The following ZFHX3 variants were observed in gnomAD, a reference collection of about 807,000 sequenced individuals.
ZFHX3 encodes zinc finger homeobox 3, also known as zinc finger homeobox protein 3.
In ZFHX3, 42 loss-of-function variants were observed where a neutral mutation model predicts 279.1. That is an observed-to-expected ratio of 0.15 (90% CI 0.12 to 0.19). The LOEUF (loss-of-function observed/expected upper bound fraction) is 0.19, where lower values mean the gene tolerates loss of function less well. Ranked by LOEUF, ZFHX3 falls within the 10% of genes least tolerant of loss-of-function variation. The pLI is 1.00. For synonymous variants in ZFHX3, 2,293 were observed against 1,957.8 expected, an observed-to-expected ratio of 1.17 and a Z score of -4.52; for missense variants, 4,981 against 4,754.0, an observed-to-expected ratio of 1.05 and a Z score of -1.40.
rs796481027 is a variant in ZFHX3 at position 73,295,443 on chromosome 16, A to G, written c.-1194+22797T>C. On this transcript the variant is annotated intron_variant, in intron 4 of 17. Transcript: ENST00000641206. ...TAAGGTGTGAATTTTTTAAAGGTTT[A>G]ATTTGTGCATTTGTGCATTTGTTAA... Among the ~76,000 whole-genome samples the G allele has an allele frequency of 2.6e-5, 4 of 152,290 alleles. 1 individual carries two copies. Among genetic ancestry groups the G allele is most frequent in the African/African-American group, 9.6e-5 (4 of 41,562 alleles).
chr16:73,734,892 G>C (rs2053596587), intron 1 of ZFHX3, among the ~76,000 whole-genome samples: 1 of 152,056 alleles, frequency 6.6e-6, no homozygotes, highest in African/African-American at 2.4e-5. Context: ...TATAAAAAAA[G>C]TTGCTCTTAG....
intron 1 of ZFHX3, among the ~76,000 whole-genome samples, chr16:73,833,424 C>G (rs1961052148): frequency 1.3e-5 from 2 of 152,116 alleles, no homozygotes; most frequent in African/African-American, 2.4e-5. Context: ...AAGCACAGTT[C>G]CTGTCCTCAA....
intron 2 of ZFHX3, among the ~76,000 whole-genome samples, chr16:73,634,431 A>AT (rs1173547541): frequency 5.0e-3 from 52 of 10,414 alleles, no homozygotes; most frequent in African/African-American, 0.02. Flanking sequence ...GTTATTATGT[A>AT]TAATATATAT....
intron 3 of ZFHX3, among the ~76,000 whole-genome samples, chr16:72,892,937 G>T (rs1448341476): frequency 6.6e-6 from 1 of 152,180 alleles, no homozygotes; most frequent in East Asian, 1.9e-4. Context: ...TGGGGAGAAG[G>T]AAGGCAGAAG....
intron 2 of ZFHX3, among the ~76,000 whole-genome samples, chr16:73,670,817 T>C (rs1013674961): frequency 2.0e-5 from 3 of 152,162 alleles, no homozygotes; most frequent in African/African-American, 7.2e-5. Context: ...ATAAATGAAA[T>C]ATTCAACAAA....
intron 5 of ZFHX3, among the ~76,000 whole-genome samples, chr16:73,223,121 A>G (rs1367727178): frequency 6.6e-6 from 1 of 152,168 alleles, no homozygotes; most frequent in African/African-American, 2.4e-5. Context: ...AAACTCCTAG[A>G]TAACAACATA....
chr16:72,958,093 T>A lies in ZFHX3; in HGVS notation c.2053A>T (p.Thr685Ser). Residue 685 changes from threonine to serine, a missense_variant, in exon 2 of 10, where the codon ACC becomes TCC. Transcript: ENST00000268489. ...KCNWHYKYQQ[T>S]LEAHMKEKHP... ...TTCTCCTTCATGTGTGCCTCCAGGGTCTGCTGGTACTTATAGTGCCAGTTG... is the reference window on the plus strand; with the variant it reads ...TTCTCCTTCATGTGTGCCTCCAGGGACTGCTGGTACTTATAGTGCCAGTTG... 1 of 1,614,042 alleles carries A rather than the reference T, an allele frequency of 6.2e-7. No homozygotes were observed. Among genetic ancestry groups the A allele is most frequent in the Non-Finnish European group, 8.5e-7 (1 of 1,180,002 alleles).
chr16:72,967,091 T>A (rs1283482852), intron 1 of ZFHX3, among the ~76,000 whole-genome samples: 1 of 152,188 alleles, frequency 6.6e-6, no homozygotes, highest in Non-Finnish European at 1.5e-5. Flanking sequence ...GTCCTCCACA[T>A]CTGACATGTA....
At chr16:73,591,390 A>T (rs2051994336) in intron 2 of ZFHX3, among the ~76,000 whole-genome samples, 1 of 150,280 alleles carries the variant, frequency 6.7e-6, no homozygotes, top group Non-Finnish European at 1.5e-5. Context: ...ACAAACAAAA[A>T]TCCAGAAAAT....
At position 73,532,570 on chromosome 16, in the gene ZFHX3, G is replaced by C. The variant is rs905493912; in HGVS notation, c.-1546-76312C>G. ...CTGAAAGCATATCTCTGGTACATAAGAGGAGGGCTGGAACTAAGCTGCCTG... is the reference window on the plus strand; with the variant it reads ...CTGAAAGCATATCTCTGGTACATAACAGGAGGGCTGGAACTAAGCTGCCTG... On this transcript the variant is annotated intron_variant, in intron 2 of 17. Coordinates refer to the ZFHX3 transcript ENST00000641206. 3.3e-5 allele frequency among the ~76,000 whole-genome samples: 5 copies of C among 152,298 alleles called. No individual in the cohort carries two copies. In the South Asian group the frequency reaches 1.0e-3, roughly 32 times the overall value.
chr16:73,039,612 C>T (rs780299692), intron 1 of ZFHX3, among the ~76,000 whole-genome samples: 1 of 152,128 alleles, frequency 6.6e-6, no homozygotes, highest in African/African-American at 2.4e-5. Context: ...CCCACTCCCC[C>T]CAAAAACAAT....
chr16:72,912,327 T>C (rs1046821612), intron 3 of ZFHX3, among the ~76,000 whole-genome samples: 2 of 152,182 alleles, frequency 1.3e-5, no homozygotes, highest in African/African-American at 4.8e-5. Flanking sequence ...GATGCTAATT[T>C]GGGAGGCTTT....
chr16:72,959,089 A>T lies in ZFHX3; in HGVS notation c.1057T>A (p.Ser353Thr). The T allele has an allele frequency of 6.2e-7, 1 of 1,614,236 alleles. No homozygotes were observed. The highest frequency in any genetic ancestry group is 8.5e-7 in the Non-Finnish European group (1 of 1,180,052). The stretch of plus-strand genomic sequence containing the variant: ...CCGGGGCCTATGAGGTTAGCTGTGG[A>T]AACTAAAGGGTGTTGAAAGTTTTTG... ...KNKNFQHPLVSTANLIGPGHS... is the reference protein window; with the variant it reads ...KNKNFQHPLVTTANLIGPGHS... The change falls in exon 2 of 10, where the codon TCC becomes ACC. Residue 353 changes from serine (S) to threonine (T), a missense_variant. By Grantham distance (58) the Ser-to-Thr change is moderately conservative (BLOSUM62 1). Around this residue, in one of 7 missense-constraint regions of ZFHX3, gnomAD observed 1,068 missense variants for 935.2 expected, o/e 1.14. Transcript: ENST00000268489.
In ZFHX3 at chr16:73,188,433, C is replaced by G. The variant is rs539794826; in HGVS notation, c.-1103-44602G>C. 4.2e-3 allele frequency among the ~76,000 whole-genome samples: 637 copies of G among 152,338 alleles called. 5 individuals carry two copies. The highest frequency in any genetic ancestry group is 0.015 in the African/African-American group (618 of 41,584). Reference sequence around the variant, plus strand: ...AAGGAGAAAGAACCTTGCCAATACTCTGTTTGGACCCCTTTGTCCTCTCGA... The same window carrying G: ...AAGGAGAAAGAACCTTGCCAATACTGTGTTTGGACCCCTTTGTCCTCTCGA... On this transcript the variant is annotated intron_variant, in intron 5 of 17. Coordinates refer to the ZFHX3 transcript ENST00000641206.
chr16:73,731,184 G>A (rs372571432), intron 1 of ZFHX3, among the ~76,000 whole-genome samples: 1 of 152,132 alleles, frequency 6.6e-6, no homozygotes, highest in East Asian at 1.9e-4. Context: ...ACTTGTCTGC[G>A]TGTATCAGAA....
exon 3 of ZFHX3, chr16:73,456,139 T>A (rs1015726090): frequency 2.0e-5 from 3 of 151,962 alleles, no homozygotes; most frequent in South Asian, 2.1e-4. Context: ...TCCTCAGGAG[T>A]CAGGAGCCTT....
chr16:73,302,947 T>C (rs1423222124), intron 4 of ZFHX3, among the ~76,000 whole-genome samples: 1 of 152,124 alleles, frequency 6.6e-6, no homozygotes, highest in Non-Finnish European at 1.5e-5. Flanking sequence ...TTTAAAATCA[T>C]GGATGGGAGA....
rs72795119 is a variant in ZFHX3 at position 72,920,237 on chromosome 16, C to T, written c.3216+30232G>A. 6.2e-3 allele frequency among the ~76,000 whole-genome samples: 940 copies of T among 152,216 alleles called. 6 individuals carry two copies. The highest frequency in any genetic ancestry group is 0.01 in the Admixed American group (158 of 15,302). ...GTGAAGAAGAGCATCTCATACATAT[C>T]AACACCCAGAAGTCACTGGGCCTCA... On this transcript the variant is annotated intron_variant, in intron 3 of 9. Coordinates refer to ENST00000268489, the MANE Select transcript of ZFHX3 (RefSeq NM_006885.4).
chr16:72,915,602 T>TA (rs35718176), intron 3 of ZFHX3, among the ~76,000 whole-genome samples: 26,952 of 151,674 alleles, frequency 0.18, 2,652 homozygotes, highest in Non-Finnish European at 0.22. Context: ...CTACAAAAAA[T>TA]AAAAAAAATT....
Sources: gnomAD v4.1 joint callset for allele counts (sites outside exome capture counted in the v4.1 genomes callset) on GRCh38, gnomAD v4.1.1 for gene constraint, gnomAD v4.1.1 regional missense constraint, MANE v1.5 for transcripts, NCBI Gene and HGNC (gene_info 2026-07-23, HGNC 2026-07-21) for gene names.